The following LDHB variants were observed in gnomAD, a reference collection of about 807,000 sequenced individuals.
The protein encoded by LDHB is L-lactate dehydrogenase B chain.
A neutral mutation model predicts 33.4 loss-of-function variants in LDHB; 18 were observed. The observed-to-expected ratio is 0.54, with a 90% CI of 0.37 to 0.80. LDHB has a LOEUF of 0.80. Ranked by LOEUF, LDHB falls within the 30% of genes least tolerant of loss-of-function variation. The probability of loss-of-function intolerance (pLI) is 0.00; values close to 1 mark genes in which losing one functional copy is unlikely to be tolerated. For synonymous variants in LDHB, 121 were observed against 140.6 expected, an observed-to-expected ratio of 0.86 and a Z score of 0.98; for missense variants, 345 against 407.9, an observed-to-expected ratio of 0.85 and a Z score of 1.33.
At chr12:21,642,315 T>C (rs1163989229) in intron 4 of LDHB, among the ~76,000 whole-genome samples, 190 bp from the exon 5 acceptor site, 2 of 152,130 alleles carry the variant, frequency 1.3e-5, no homozygotes, top group Non-Finnish European at 2.9e-5. Flanking sequence ...AAAAACAAAC[T>C]TTTAAGCCTT....
chr12:21,645,731 C>G (rs1040759107), intron 3 of LDHB, among the ~76,000 whole-genome samples: 1 of 152,118 alleles, frequency 6.6e-6, no homozygotes, highest in South Asian at 2.1e-4. Flanking sequence ...TCCCCCTCTC[C>G]GAGATACGCC....
chr12:21,654,805 A>G, intron 1 of LDHB, 128 bp from the exon 2 acceptor site: 2 of 798,422 alleles, frequency 2.5e-6, no homozygotes, highest in Non-Finnish European at 4.3e-6. Context: ...ATGATATTCT[A>G]GAAAGCAGAA....
chr12:21,637,745 T>C (rs1277540313), intron 6 of LDHB, among the ~76,000 whole-genome samples: 1 of 151,954 alleles, frequency 6.6e-6, no homozygotes, highest in African/African-American at 2.4e-5. Context: ...TTTAATGCAA[T>C]TGACACCCAA....
chr12:21,645,655 A>T (rs191934296), intron 3 of LDHB, among the ~76,000 whole-genome samples: 3 of 152,200 alleles, frequency 2.0e-5, no homozygotes, highest in Admixed American at 2.0e-4. Flanking sequence ...TTTATGATGC[A>T]GAGACATTTG....
In LDHB at chr12:21,637,208, T is replaced by C. The variant is rs904776455; in HGVS notation, c.714-14A>G. On this transcript the variant is annotated splice_polypyrimidine_tract_variant and intron_variant, in intron 6 of 7. Transcript: ENST00000350669. Reference sequence around the variant, plus strand: ...ACTTCATAGGCACTTAAAAAAATTATAAAAGACATCACTGAAATAAGACTC... The same window carrying C: ...ACTTCATAGGCACTTAAAAAAATTACAAAAGACATCACTGAAATAAGACTC... 3.2e-6 allele frequency: 5 copies of C among 1,576,960 alleles called. No homozygotes were observed. Among genetic ancestry groups the C allele is most frequent in the Non-Finnish European group, 4.4e-6 (5 of 1,149,392 alleles).
At chr12:21,643,894 C>G in intron 4 of LDHB, 41 bp downstream of exon 4, 3 of 1,456,214 alleles carry the variant, frequency 2.1e-6, no homozygotes, top group Non-Finnish European at 2.9e-6. Context: ...CACCAAAACA[C>G]TGAACTTAAC....
At chr12:21,647,502 G>A (rs1456777494) in intron 2 of LDHB, among the ~76,000 whole-genome samples, 2 of 152,122 alleles carry the variant, frequency 1.3e-5, no homozygotes, top group African/African-American at 4.8e-5. Context: ...GGGAAAGGAA[G>A]ATGAGTTTTA....
At chr12:21,638,606 C>A (rs539629198) in intron 5 of LDHB, 136 bp from the exon 6 acceptor site, 2 of 655,084 alleles carry the variant, frequency 3.1e-6, no homozygotes, top group Non-Finnish European at 5.4e-6. Context: ...AAGTGACTCT[C>A]CAGTAGATTC....
At chr12:21,654,483 CAAAG>C in intron 2 of LDHB, 56 bp downstream of exon 2, 1 of 1,536,000 alleles carries the variant, frequency 6.5e-7, no homozygotes, top group South Asian at 1.1e-5. Flanking sequence ...CCAAGGTGCC[CAAAG>C]AAACTGTGTA....
intron 2 of LDHB, among the ~76,000 whole-genome samples, chr12:21,650,884 C>A (rs925709498): frequency 3.3e-5 from 5 of 152,328 alleles, no homozygotes; most frequent in African/African-American, 1.2e-4. Flanking sequence ...TCAGGCTAAT[C>A]TCTGAAGGTA....
At position 21,637,210 on chromosome 12, in the gene LDHB, A is replaced by G. The variant is rs373317961; in HGVS notation, c.714-16T>C. The G allele has an allele frequency of 2.5e-6, 4 of 1,573,688 alleles. No homozygotes were observed. The highest frequency in any genetic ancestry group is 2.7e-5 in the African/African-American group (2 of 74,110). On this transcript the variant is annotated splice_polypyrimidine_tract_variant and intron_variant, in intron 6 of 7. Coordinates refer to ENST00000350669, the MANE Select transcript of LDHB (RefSeq NM_002300.8). ...TTCATAGGCACTTAAAAAAATTATAAAAGACATCACTGAAATAAGACTCAA... is the reference window on the plus strand; with the variant it reads ...TTCATAGGCACTTAAAAAAATTATAGAAGACATCACTGAAATAAGACTCAA...
chr12:21,648,379 A>G (rs1289621051), intron 2 of LDHB, among the ~76,000 whole-genome samples: 1 of 152,078 alleles, frequency 6.6e-6, no homozygotes, highest in Admixed American at 6.6e-5. Context: ...AAGACTCTCC[A>G]TATATGTGGG....
chr12:21,648,128 G>A (rs965220409), intron 2 of LDHB, among the ~76,000 whole-genome samples: 3 of 152,218 alleles, frequency 2.0e-5, no homozygotes, highest in African/African-American at 7.2e-5. Flanking sequence ...TTTATAAACT[G>A]TTTATAAAGT....
At chr12:21,644,453 A>AAAAAAAAC (rs371337937) in intron 3 of LDHB, among the ~76,000 whole-genome samples, 1 of 113,172 alleles carries the variant, frequency 8.8e-6, no homozygotes, top group African/African-American at 3.3e-5. Flanking sequence ...AAACAAAAAC[A>AAAAAAAAC]AAAACCAATT....
At chr12:21,648,016 T>C (rs1938575881) in intron 2 of LDHB, among the ~76,000 whole-genome samples, 2 of 124,598 alleles carry the variant, frequency 1.6e-5, no homozygotes, top group South Asian at 6.6e-4. Context: ...TTTCTCAATA[T>C]CTACATAAAA....
At chr12:21,640,837 TA>T (rs995556997) in intron 5 of LDHB, among the ~76,000 whole-genome samples, 87 of 145,872 alleles carry the variant, frequency 6.0e-4, no homozygotes, top group Admixed American at 8.9e-4. Flanking sequence ...TGGGACATGT[TA>T]AAAAAAAAAA....
chr12:21,639,373 T>C (rs1278881919), intron 5 of LDHB, among the ~76,000 whole-genome samples: 1 of 152,010 alleles, frequency 6.6e-6, no homozygotes, highest in Non-Finnish European at 1.5e-5. Flanking sequence ...GACATAATTC[T>C]AGTGGTAGCT....
intron 4 of LDHB, among the ~76,000 whole-genome samples, chr12:21,642,630 A>G (rs1444985673): frequency 1.3e-5 from 2 of 152,220 alleles, no homozygotes; most frequent in Admixed American, 1.3e-4. Context: ...AAAAATTTCT[A>G]TTTAATAAAA....
At chr12:21,656,586 T>C (rs1482789350) in intron 1 of LDHB, among the ~76,000 whole-genome samples, 1 of 152,218 alleles carries the variant, frequency 6.6e-6, no homozygotes, top group Admixed American at 6.5e-5. Context: ...TAAATACAGA[T>C]TCGTTGTTCT....
Sources: allele counts gnomAD v4.1 joint callset (sites outside exome capture counted in the v4.1 genomes callset), GRCh38; gene constraint gnomAD v4.1.1; transcripts MANE v1.5; gene names NCBI Gene and HGNC (gene_info 2026-07-23, HGNC 2026-07-21).